Variants in NELL2 observed in about 807,000 individuals in gnomAD.
The protein encoded by NELL2 is neural EGFL like 2.
A neutral mutation model predicts 109.6 loss-of-function variants in NELL2; 41 were observed. The ratio of observed to expected loss-of-function variants is 0.37; its 90% CI spans 0.29 to 0.49. The LOEUF is 0.49. Ranked by LOEUF, NELL2 falls within the 20% of genes least tolerant of loss-of-function variation. The pLI, the probability that NELL2 is intolerant of heterozygous loss-of-function variation, is 0.98. For missense variants in NELL2, 900 were observed against 1,008.3 expected, an observed-to-expected ratio of 0.89 and a Z score of 1.45; for synonymous variants, 355 against 344.7, an observed-to-expected ratio of 1.03 and a Z score of -0.33.
chr12:44,828,143 C>T lies in NELL2; in HGVS notation c.185-12007G>A, dbSNP rs115900973. Among the ~76,000 whole-genome samples the T allele has an allele frequency of 7.2e-3, 1,097 of 152,172 alleles. 13 individuals are homozygous for T. Among genetic ancestry groups the T allele is most frequent in the African/African-American group, 0.025 (1,033 of 41,524 alleles). ...GAAATGTCTATTCAGATCTTTTGTC[C>T]ATTTTTTTAAACCAAGTTATTAGAT... On this transcript the variant is annotated intron_variant, in intron 2 of 19. Transcript: ENST00000429094.
At chr12:44,558,978 G>A (rs185639624) in intron 15 of NELL2, among the ~76,000 whole-genome samples, 115 of 152,310 alleles carry the variant, frequency 7.6e-4, no homozygotes, top group Non-Finnish European at 1.5e-3. Flanking sequence ...GGAAGCTCGA[G>A]CTTGGTGGGG....
At chr12:44,553,861 A>G (rs1943137169) in intron 15 of NELL2, among the ~76,000 whole-genome samples, 1 of 152,124 alleles carries the variant, frequency 6.6e-6, no homozygotes, top group Non-Finnish European at 1.5e-5. Context: ...CTATCAACAC[A>G]TTATTCCACA....
At chr12:44,559,387 T>C (rs976484720) in intron 15 of NELL2, among the ~76,000 whole-genome samples, 10 of 152,128 alleles carry the variant, frequency 6.6e-5, no homozygotes, top group African/African-American at 2.2e-4. Context: ...GACTAGCAAA[T>C]TGGATAAAGA....
At chr12:44,876,606 C>T, upstream of NELL2, 1 of 1,549,624 alleles carries the variant, frequency 6.5e-7, no homozygotes. Flanking sequence ...TTTGCTCTCA[C>T]CCCTCGATTT....
intron 9 of NELL2, among the ~76,000 whole-genome samples, chr12:44,761,740 G>A (rs1292374827): frequency 1.3e-5 from 2 of 152,148 alleles, no homozygotes; most frequent in East Asian, 1.9e-4. Flanking sequence ...GCCATAGATG[G>A]AGCTGGAGGC....
intron 15 of NELL2, among the ~76,000 whole-genome samples, chr12:44,568,613 A>C (rs1221928359): frequency 1.3e-5 from 2 of 152,112 alleles, no homozygotes; most frequent in Admixed American, 6.6e-5. Flanking sequence ...TAATAATAAC[A>C]TAACCAGAAA....
At chr12:44,881,338 G>T (rs1010710636) in intron 1 of NELL2, among the ~76,000 whole-genome samples, 5 of 151,854 alleles carry the variant, frequency 3.3e-5, no homozygotes, top group Admixed American at 2.0e-4. Context: ...AAAGATTAAA[G>T]AAACTATTAT....
At chr12:44,746,199 AG>A (rs1268852078) in intron 9 of NELL2, among the ~76,000 whole-genome samples, 1 of 152,248 alleles carries the variant, frequency 6.6e-6, no homozygotes, top group African/African-American at 2.4e-5. Flanking sequence ...AAATGGGAAA[AG>A]GATTCCCTAT....
chr12:44,890,692 AC>A (rs1158451843), intron 1 of NELL2, among the ~76,000 whole-genome samples: 1 of 151,352 alleles, frequency 6.6e-6, no homozygotes, highest in African/African-American at 2.4e-5. Context: ...AAGGGTTCAC[AC>A]ATTTATTTTT....
At chr12:44,896,538 C>T (rs1945594753) in intron 1 of NELL2, among the ~76,000 whole-genome samples, 1 of 152,042 alleles carries the variant, frequency 6.6e-6, no homozygotes, top group African/African-American at 2.4e-5. Flanking sequence ...AGGGCATATG[C>T]CCTTAAGGAA....
At chr12:44,800,173 T>C (rs1942781751) in intron 3 of NELL2, among the ~76,000 whole-genome samples, 1 of 152,176 alleles carries the variant, frequency 6.6e-6, no homozygotes, top group Non-Finnish European at 1.5e-5. Context: ...TAAAATATGG[T>C]AAATAAGCAC....
Position 44,803,802 on chromosome 12 carries a change from C to G in NELL2, c.335+12184G>C, listed in dbSNP as rs143604780. On this transcript the variant is annotated intron_variant, in intron 3 of 19. Transcript: ENST00000429094. ...AATTCAGACACAAATAACTTACTAA[C>G]AAATATATTTCCAAAATATTCAAAT... is the stretch of plus-strand genomic sequence containing the variant. Among the ~76,000 whole-genome samples, 4 of 151,930 alleles carry G rather than the reference C, an allele frequency of 2.6e-5. No homozygotes were observed. The East Asian group carries it at 7.7e-4, about 29-fold the overall frequency.
chr12:44,744,605 A>C (rs1474891708), intron 9 of NELL2, among the ~76,000 whole-genome samples: 1 of 152,224 alleles, frequency 6.6e-6, no homozygotes, highest in Non-Finnish European at 1.5e-5. Context: ...GCAATAAAAA[A>C]TGATAAAGGG....
At chr12:44,703,997 A>T (rs994215699) in intron 11 of NELL2, 143 bp from the exon 12 acceptor site, 1 of 661,052 alleles carries the variant, frequency 1.5e-6, no homozygotes, top group Non-Finnish European at 2.5e-6. Flanking sequence ...TTACAGAAGA[A>T]TCACATGCTA....
chr12:44,764,904 C>G (rs893554728), intron 9 of NELL2, among the ~76,000 whole-genome samples: 3 of 151,646 alleles, frequency 2.0e-5, no homozygotes, highest in Non-Finnish European at 2.9e-5. Flanking sequence ...GGGATGCACA[C>G]CTGTTAGCTA....
intron 12 of NELL2, among the ~76,000 whole-genome samples, chr12:44,668,517 T>C (rs887267887): frequency 7.2e-5 from 11 of 152,208 alleles, no homozygotes; most frequent in Non-Finnish European, 1.3e-4. Context: ...AGGTGCACCA[T>C]CATGGTTCTT....
chr12:44,522,141 G>A lies in NELL2; in HGVS notation c.2034C>T (p.Asp678=). The part of the protein sequence containing the change: ...GFVMCRRMVC[D]CENPTVDLFC... ...AAAGATCAACTGTGGGATTCTCACA[G>A]TCACAGACCATCCGTCGACACATAA... Residue 678 remains aspartate, a synonymous_variant, in exon 18 of 20, where the codon GAC becomes GAT. Coordinates refer to ENST00000429094, the MANE Select transcript of NELL2 (RefSeq NM_001145108.2). The A allele has an allele frequency of 6.2e-7, 1 of 1,614,058 alleles. No individual in the cohort carries two copies. Among genetic ancestry groups the A allele is most frequent in the Non-Finnish European group, 8.5e-7 (1 of 1,180,020 alleles).
Position 44,875,874 on chromosome 12 carries a change from C to G in NELL2, c.-5G>C. ...CAGTAAGACCCGAGACTCCATGGTG[C>G]GGATCAGCTCAGTCCATCGTCTCCC... On this transcript the variant is annotated 5_prime_UTR_variant, in exon 1 of 20. Transcript: ENST00000429094. 1 of 1,613,938 alleles carries G rather than the reference C, an allele frequency of 6.2e-7. No homozygotes were observed. Among genetic ancestry groups the G allele is most frequent in the Non-Finnish European group, 8.5e-7 (1 of 1,180,028 alleles).
chr12:44,854,093 G>A (rs1052018878), intron 2 of NELL2, among the ~76,000 whole-genome samples: 2 of 152,140 alleles, frequency 1.3e-5, no homozygotes, highest in African/African-American at 2.4e-5. Flanking sequence ...TAAAAATATA[G>A]GTTACGTTCT....
Sources: allele counts gnomAD v4.1 joint callset (sites outside exome capture counted in the v4.1 genomes callset), GRCh38; gene constraint gnomAD v4.1.1; transcripts MANE v1.5; gene names NCBI Gene and HGNC (gene_info 2026-07-23, HGNC 2026-07-21).